The following DHX8 variants were observed in gnomAD, a reference collection of about 807,000 sequenced individuals.
DHX8 encodes the protein ATP-dependent RNA helicase DHX8.
DHX8 carries 67 observed loss-of-function variants against 140.7 expected under a neutral mutation model. The ratio of observed to expected loss-of-function variants is 0.48; its 90% CI spans 0.39 to 0.58. The LOEUF (loss-of-function observed/expected upper bound fraction) is 0.58, where lower values mean the gene tolerates loss of function less well. Ranked by LOEUF, DHX8 falls within the 20% of genes least tolerant of loss-of-function variation. The pLI is 0.00. For missense variants in DHX8, 887 were observed against 1,550.7 expected, an observed-to-expected ratio of 0.57 and a Z score of 7.19; for synonymous variants, 533 against 553.2, an observed-to-expected ratio of 0.96 and a Z score of 0.51.
intron 2 of DHX8, chr17:43,536,250 T>C (rs1046160088): frequency 1.8e-5 from 12 of 672,242 alleles, no homozygotes; most frequent in Non-Finnish European, 8.0e-6. Flanking sequence ...AGCAAGAACA[T>C]GTCAAGCCCC....
In DHX8 at chr17:43,541,924, T is replaced by G. The variant is rs146481775; in HGVS notation, c.*21-2238T>G. Among the ~76,000 whole-genome samples the G allele has an allele frequency of 2.5e-3, 380 of 152,266 alleles. 1 individual carries two copies. The highest frequency in any genetic ancestry group is 8.9e-3 in the African/African-American group (368 of 41,556). On this transcript the variant is annotated intron_variant, in intron 3 of 3. Transcript: ENST00000589898. ...TTAACCTCATCCCTCCCCACAGACA[T>G]GCCGAGGCACCAGTGTACATGCACT...
chr17:43,498,859 T>C lies in DHX8; in HGVS notation c.1301-3T>C. The C allele has an allele frequency of 1.3e-6, 2 of 1,591,980 alleles. No homozygotes were observed. The highest frequency in any genetic ancestry group is 1.4e-5 in the African/African-American group (1 of 72,732). ...CTAATTCTTCTTTTGGGGGGACTTT[T>C]AGATGAGGACCTTGAGATTGAATTG... On this transcript the variant is annotated splice_region_variant and splice_polypyrimidine_tract_variant and intron_variant, in intron 9 of 22. Transcript: ENST00000262415.
Position 43,524,593 on chromosome 17 carries a change from T to C in DHX8, c.*746T>C. ...CACAGAGCACTTCAGTCTGGAGGCC[T>C]GAGTGGCTACAGATGGCACATATTA... is the stretch of plus-strand genomic sequence containing the variant. On this transcript the variant is annotated 3_prime_UTR_variant, in exon 23 of 23. Coordinates refer to ENST00000262415, the MANE Select transcript of DHX8 (RefSeq NM_004941.3). The C allele has an allele frequency of 1.0e-6, 1 of 985,552 alleles. No homozygotes were observed. Among genetic ancestry groups the C allele is most frequent in the Non-Finnish European group, 1.2e-6 (1 of 830,024 alleles). The allele number at this position is 985,552 out of a possible 1,614,324, so 61.1% of individuals were successfully genotyped here.
chr17:43,537,930 C>CATCCT (rs1402715604), intron 3 of DHX8, among the ~76,000 whole-genome samples: 2 of 152,108 alleles, frequency 1.3e-5, no homozygotes, highest in Non-Finnish European at 2.9e-5. Context: ...AGATCAGGAC[C>CATCCT]ATCCTGGCTA....
At chr17:43,515,500 CACTT>C (rs1444334915) in intron 17 of DHX8, among the ~76,000 whole-genome samples, 2 of 152,186 alleles carry the variant, frequency 1.3e-5, no homozygotes, top group Non-Finnish European at 2.9e-5. Flanking sequence ...TAATAGCTAA[CACTT>C]ACAGTGTACT....
chr17:43,544,435 G>A (rs1040541001), exon 4 of DHX8: 1 of 153,372 alleles, frequency 6.5e-6, no homozygotes, highest in African/African-American at 2.4e-5. Flanking sequence ...CTGTGCCAAA[G>A]GACTGCCGAA....
intron 15 of DHX8, 56 bp downstream of exon 15, chr17:43,508,075 A>G: frequency 3.9e-6 from 6 of 1,523,018 alleles, no homozygotes; most frequent in East Asian, 4.6e-5. Context: ...CTCTTAGGCC[A>G]AAAGTCCTCA....
chr17:43,513,231 G>A, intron 16 of DHX8, 131 bp from the exon 17 acceptor site: 1 of 974,952 alleles, frequency 1.0e-6, no homozygotes, highest in Non-Finnish European at 1.5e-6. Context: ...GGGATTAAGT[G>A]TCATTTTAAC....
chr17:43,533,684 C>G (rs985614524), intron 2 of DHX8, among the ~76,000 whole-genome samples: 4 of 152,082 alleles, frequency 2.6e-5, no homozygotes, highest in African/African-American at 9.7e-5. Flanking sequence ...CCCTCTGCTG[C>G]GTTTTCCGTC....
intron 16 of DHX8, among the ~76,000 whole-genome samples, chr17:43,509,246 C>G (rs964921658): frequency 6.6e-6 from 1 of 152,104 alleles, no homozygotes; most frequent in African/African-American, 2.4e-5. Flanking sequence ...TCCTGGAGAA[C>G]TCTTGAAAGG....
chr17:43,523,177 AT>A (rs1347084173), intron 22 of DHX8, among the ~76,000 whole-genome samples: 5 of 152,190 alleles, frequency 3.3e-5, no homozygotes, highest in African/African-American at 1.2e-4. Flanking sequence ...GAACCCTAAT[AT>A]AAAACTGATT....
intron 2 of DHX8, chr17:43,536,272 A>G (rs1294310363): frequency 1.4e-6 from 1 of 716,492 alleles, no homozygotes; most frequent in Non-Finnish European, 2.5e-6. Flanking sequence ...GATTTCAACC[A>G]AGGTTTTCAT....
At chr17:43,491,064 A>G in intron 3 of DHX8, 101 bp from the exon 4 acceptor site, 1 of 487,786 alleles carries the variant, frequency 2.1e-6, no homozygotes, top group South Asian at 5.8e-5. Flanking sequence ...GTTCTGTTTC[A>G]GTTTGATACA....
rs1199007827 is a variant in DHX8 at position 43,524,337 on chromosome 17, G to C, written c.*490G>C. The C allele has an allele frequency of 5.0e-6, 5 of 1,003,552 alleles. No individual in the cohort carries two copies. The highest frequency in any genetic ancestry group is 5.9e-6 in the Non-Finnish European group (5 of 841,016). 62.2% of individuals were successfully genotyped at this position (1,003,552 alleles called of 1,614,324 possible). On this transcript the variant is annotated 3_prime_UTR_variant, in exon 23 of 23. Transcript: ENST00000262415. ...GAAACAAAAATGGTTTTCTGTGACTGTTTTCTTTTAGCCGAAAGGTTAGGA... is the reference window on the plus strand; with the variant it reads ...GAAACAAAAATGGTTTTCTGTGACTCTTTTCTTTTAGCCGAAAGGTTAGGA...
intron 16 of DHX8, among the ~76,000 whole-genome samples, chr17:43,509,897 G>A (rs575449406): frequency 6.5e-4 from 99 of 152,282 alleles, no homozygotes; most frequent in African/African-American, 2.2e-3. Flanking sequence ...TCGAACTCCT[G>A]ACCTCATGTG....
intron 2 of DHX8, chr17:43,532,549 A>G: frequency 1.1e-6 from 1 of 895,474 alleles, no homozygotes; most frequent in Non-Finnish European, 1.7e-6. Flanking sequence ...ATTATGAAGA[A>G]AAAAAGTGGG....
Position 43,524,271 on chromosome 17 carries a change from G to C in DHX8, c.*424G>C. 2 of 1,018,262 alleles carry C rather than the reference G, an allele frequency of 2.0e-6. No individual in the cohort carries two copies. Among genetic ancestry groups the C allele is most frequent in the Non-Finnish European group, 2.4e-6 (2 of 850,226 alleles). 63.1% of individuals were successfully genotyped at this position (1,018,262 alleles called of 1,614,324 possible). A position where few individuals can be genotyped will look rare whatever the true frequency, so the allele number is the denominator to read the frequency against. On this transcript the variant is annotated 3_prime_UTR_variant, in exon 23 of 23. Transcript: ENST00000262415. ...ACTTCCCACCCCGTCTCCAGCCCCTGTACTTTGGCTTGACCTCGTGGAAAT... is the reference window on the plus strand; with the variant it reads ...ACTTCCCACCCCGTCTCCAGCCCCTCTACTTTGGCTTGACCTCGTGGAAAT...
At chr17:43,536,329 GGA>G in intron 2 of DHX8, 1 of 1,094,614 alleles carries the variant, frequency 9.1e-7, no homozygotes, top group South Asian at 1.3e-5. Flanking sequence ...CTGTGTTTTA[GGA>G]GAGAACAAGC....
downstream of DHX8, among the ~76,000 whole-genome samples, chr17:43,530,894 A>G (rs564497117): frequency 2.9e-3 from 440 of 152,014 alleles, no homozygotes; most frequent in Non-Finnish European, 3.3e-3. Context: ...AGGAGGCGGG[A>G]GGGTGGGCTC....
Sources: allele counts gnomAD v4.1 joint callset (sites outside exome capture counted in the v4.1 genomes callset), GRCh38; gene constraint gnomAD v4.1.1; transcripts MANE v1.5; gene names NCBI Gene and HGNC (gene_info 2026-07-23, HGNC 2026-07-21).